NNMT: variants seen among roughly 807,000 people sequenced by gnomAD.
The protein encoded by NNMT is nicotinamide N-methyltransferase.
Under a neutral mutation model 11.7 loss-of-function variants are expected in NNMT, and 10 were observed. The ratio of observed to expected loss-of-function variants is 0.85; its 90% CI spans 0.53 to 1.45. NNMT has a LOEUF of 1.45. NNMT is among the 40% of genes most tolerant of loss of function. NNMT has a pLI of 0.00. For missense variants in NNMT, 381 were observed against 319.4 expected, an observed-to-expected ratio of 1.19 and a Z score of -1.47; for synonymous variants, 143 against 133.8, an observed-to-expected ratio of 1.07 and a Z score of -0.48.
chr11:114,304,306 A>G (rs1365944541), intron 2 of NNMT, among the ~76,000 whole-genome samples: 1 of 152,168 alleles, frequency 6.6e-6, no homozygotes, highest in African/African-American at 2.4e-5. Context: ...TTTCCATCTC[A>G]TTCAAAAATA....
intron 2 of NNMT, among the ~76,000 whole-genome samples, chr11:114,302,344 C>G (rs1389224646): frequency 6.6e-6 from 1 of 152,076 alleles, no homozygotes; most frequent in Non-Finnish European, 1.5e-5. Flanking sequence ...TTAACCTCTT[C>G]TGTGTCTTGT....
Position 114,312,696 on chromosome 11 carries a change from T to G in NNMT, c.*219T>G. 1.9e-6 allele frequency: 1 copy of G among 538,952 alleles called. No homozygotes were observed. The highest frequency in any genetic ancestry group is 3.3e-6 in the Non-Finnish European group (1 of 304,386). 33.4% of individuals were successfully genotyped at this position (538,952 alleles called of 1,614,324 possible). ...GCTATGGGACCCAAAGATGAGCAATTAGTATTCCAGTCTTCATTGCCTGTG... is the reference window on the plus strand; with the variant it reads ...GCTATGGGACCCAAAGATGAGCAATGAGTATTCCAGTCTTCATTGCCTGTG... On this transcript the variant is annotated 3_prime_UTR_variant, in exon 3 of 3. Transcript: ENST00000299964.
chr11:114,271,470 G>A (rs1482050759), intron 2 of NNMT, among the ~76,000 whole-genome samples: 2 of 152,318 alleles, frequency 1.3e-5, no homozygotes, highest in Non-Finnish European at 2.9e-5. Flanking sequence ...GAAATTCAGT[G>A]CAGTTATAGA....
At chr11:114,294,985 C>T (rs1445344975), upstream of NNMT, among the ~76,000 whole-genome samples, 1 of 152,192 alleles carries the variant, frequency 6.6e-6, no homozygotes, top group East Asian at 1.9e-4. Context: ...AATTCTCTGG[C>T]TTGCTGACTC....
intron 2 of NNMT, among the ~76,000 whole-genome samples, chr11:114,310,491 T>G (rs1461734750): frequency 6.6e-6 from 1 of 152,278 alleles, no homozygotes; most frequent in Non-Finnish European, 1.5e-5. Flanking sequence ...AAGATGCCCA[T>G]GACTAGTGTC....
intron 2 of NNMT, among the ~76,000 whole-genome samples, chr11:114,275,198 A>G (rs1945205469): frequency 1.3e-5 from 2 of 152,170 alleles, no homozygotes; most frequent in Admixed American, 1.3e-4. Context: ...GTCCTTATTC[A>G]TACCTCAGTA....
intron 2 of NNMT, among the ~76,000 whole-genome samples, chr11:114,272,467 G>A (rs1395612001): frequency 2.0e-5 from 3 of 152,172 alleles, no homozygotes; most frequent in East Asian, 1.9e-4. Flanking sequence ...TGACAGACAC[G>A]TTGGACCTTC....
intron 2 of NNMT, among the ~76,000 whole-genome samples, chr11:114,301,216 A>G (rs987760170): frequency 1.3e-5 from 2 of 152,198 alleles, no homozygotes; most frequent in African/African-American, 2.4e-5. Context: ...TATTCAATCT[A>G]GCAGTTGCAC....
At position 114,312,115 on chromosome 11, in the gene NNMT, CAG is replaced by C. The variant is rs771501565; in HGVS notation, c.436_437del (p.Ser146ProfsTer12). ...VKQVLKCDVT[Q>X]SQPLGAVPLP... Reference sequence around the variant, plus strand: ...GCAGGTGCTGAAGTGTGATGTGACTCAGAGCCAGCCACTGGGGGCCGTCCCCT... The same window carrying C: ...GCAGGTGCTGAAGTGTGATGTGACTCAGCCAGCCACTGGGGGCCGTCCCCT... On this transcript the variant is annotated frameshift_variant, in exon 3 of 3. Coordinates refer to ENST00000299964, the MANE Select transcript of NNMT (RefSeq NM_006169.3). LOFTEE classifies it low-confidence loss of function (END_TRUNC). The C allele has an allele frequency of 3.9e-5, 63 of 1,612,910 alleles. No individual in the cohort carries two copies. Among genetic ancestry groups the C allele is most frequent in the African/African-American group, 1.1e-4 (8 of 74,912 alleles).
At chr11:114,310,115 G>A (rs976047433) in intron 2 of NNMT, among the ~76,000 whole-genome samples, 1 of 151,886 alleles carries the variant, frequency 6.6e-6, no homozygotes, top group Non-Finnish European at 1.5e-5. Flanking sequence ...ATTTCTCTTG[G>A]GTATATACCT....
chr11:114,259,395 C>T (rs1945057297), intron 1 of NNMT, among the ~76,000 whole-genome samples: 1 of 150,178 alleles, frequency 6.7e-6, no homozygotes, highest in Non-Finnish European at 1.5e-5. Flanking sequence ...CATGTCGATT[C>T]ATAGACCACC....
At chr11:114,281,636 GT>G (rs1004976129) in intron 2 of NNMT, among the ~76,000 whole-genome samples, 3 of 152,170 alleles carry the variant, frequency 2.0e-5, no homozygotes, top group African/African-American at 7.2e-5. Context: ...GTTTGAGAAA[GT>G]TCCAGTTTGG....
chr11:114,270,896 TC>T (rs1473491570), intron 2 of NNMT, among the ~76,000 whole-genome samples: 1 of 152,034 alleles, frequency 6.6e-6, no homozygotes, highest in Non-Finnish European at 1.5e-5. Flanking sequence ...TGTCTCAGCC[TC>T]CCGAGTAGCT....
At chr11:114,298,209 G>A (rs529171584) in intron 2 of NNMT, 51 bp downstream of exon 2, 3 of 1,522,842 alleles carry the variant, frequency 2.0e-6, no homozygotes, top group African/African-American at 1.4e-5. Flanking sequence ...CTGAGTGATG[G>A]TTGGCAAAAG....
In NNMT at chr11:114,304,082, A is replaced by G. The variant is rs1591838499; in HGVS notation, c.362+5924A>G. On this transcript the variant is annotated intron_variant, in intron 2 of 2. Coordinates refer to ENST00000299964, the MANE Select transcript of NNMT (RefSeq NM_006169.3). ...GATTCTACAGAATGAAATTGATATT[A>G]ACTAGAAACAATTGCAGCTATGACA... Among the ~76,000 whole-genome samples the G allele has an allele frequency of 3.9e-5, 6 of 152,306 alleles. No individual in the cohort carries two copies. The South Asian group carries it at 1.2e-3, about 32-fold the overall frequency.
At chr11:114,271,595 A>G (rs1945170714) in intron 2 of NNMT, among the ~76,000 whole-genome samples, 1 of 152,162 alleles carries the variant, frequency 6.6e-6, no homozygotes, top group South Asian at 2.1e-4. Flanking sequence ...CAAGCCAAGC[A>G]TGCTCCAAAT....
At chr11:114,288,651 G>A (rs1945315101) in intron 2 of NNMT, among the ~76,000 whole-genome samples, 1 of 152,124 alleles carries the variant, frequency 6.6e-6, no homozygotes, top group African/African-American at 2.4e-5. Context: ...CTGTCTAGCA[G>A]CGTGACCTGG....
In NNMT at chr11:114,306,484, C is replaced by G. The variant is rs201928053; in HGVS notation, c.363-5561C>G. 1.8e-4 allele frequency among the ~76,000 whole-genome samples: 28 copies of G among 152,244 alleles called. No homozygotes were observed. The East Asian group carries it at 4.6e-3, about 25-fold the overall frequency. On this transcript the variant is annotated intron_variant, in intron 2 of 2. Coordinates refer to ENST00000299964, the MANE Select transcript of NNMT (RefSeq NM_006169.3). ...TTCTAGGGTTTTTATGGTTTTAGAT[C>G]TAACATTTAAGTCTTTAATCCATCT...
rs1042123862 is a variant in NNMT, at chr11:114,313,276, C to G, written c.*799C>G. On this transcript the variant is annotated 3_prime_UTR_variant, in exon 3 of 3. Coordinates refer to ENST00000299964, the MANE Select transcript of NNMT (RefSeq NM_006169.3). ...GACAGATTGCTTGAGCTCAGAAGTT[C>G]GAGACTGGCCTGGGGAACATGCAAA... 6.6e-6 allele frequency: 1 copy of G among 152,036 alleles called. No individual in the cohort carries two copies. The highest frequency in any genetic ancestry group is 6.6e-5 in the Admixed American group (1 of 15,254). 9.4% of individuals were successfully genotyped at this position (152,036 alleles called of 1,614,324 possible).
Sources: gnomAD v4.1 joint callset for allele counts (sites outside exome capture counted in the v4.1 genomes callset) on GRCh38, gnomAD v4.1.1 for gene constraint, MANE v1.5 for transcripts, NCBI Gene and HGNC (gene_info 2026-07-23, HGNC 2026-07-21) for gene names.